Variants in GRM3 observed in about 807,000 individuals in gnomAD.
GRM3 encodes glutamate metabotropic receptor 3, also known as metabotropic glutamate receptor 3.
In GRM3, 26 loss-of-function variants were observed where a neutral mutation model predicts 70.5. That is an observed-to-expected ratio of 0.37 (90% CI 0.27 to 0.51). The LOEUF is 0.51. Ranked by LOEUF, GRM3 falls within the 20% of genes least tolerant of loss-of-function variation. The pLI is 0.93. For synonymous variants in GRM3, 443 were observed against 434.9 expected, an observed-to-expected ratio of 1.02 and a Z score of -0.23; for missense variants, 859 against 1,123.8, an observed-to-expected ratio of 0.76 and a Z score of 3.37.
At position 86,763,244 on chromosome 7, in the gene GRM3, A is replaced by C. The variant is rs573809434; in HGVS notation, c.-140-1762A>C. ...CCTTCCAACACACAATCATGTGTGA[A>C]GGTTGAAAAGCAGACAGGCATGCTC... On this transcript the variant is annotated intron_variant, in intron 1 of 5. Coordinates refer to ENST00000361669, the MANE Select transcript of GRM3 (RefSeq NM_000840.3). Among the ~76,000 whole-genome samples the C allele has an allele frequency of 3.5e-4, 53 of 152,238 alleles. 4 individuals are homozygous for C. The South Asian group carries it at 0.011, about 32-fold the overall frequency.
chr7:86,820,320 C>T (rs1310218694), intron 3 of GRM3, among the ~76,000 whole-genome samples: 1 of 152,098 alleles, frequency 6.6e-6, no homozygotes, highest in East Asian at 1.9e-4. Flanking sequence ...ACAGGGTGCA[C>T]TCTTTGACTT....
chr7:86,659,674 T>C (rs1213916301), intron 1 of GRM3, among the ~76,000 whole-genome samples: 1 of 152,102 alleles, frequency 6.6e-6, no homozygotes, highest in Admixed American at 6.6e-5. Context: ...GTTAGTAGTA[T>C]AGTCAAATAT....
chr7:86,816,363 G>A (rs1584261626), intron 3 of GRM3, among the ~76,000 whole-genome samples: 1 of 151,806 alleles, frequency 6.6e-6, no homozygotes, highest in East Asian at 1.9e-4. Flanking sequence ...CATGTCACAG[G>A]GATTTGGCAT....
At chr7:86,741,242 G>C (rs546579029) in intron 1 of GRM3, among the ~76,000 whole-genome samples, 3 of 152,256 alleles carry the variant, frequency 2.0e-5, no homozygotes, top group Non-Finnish European at 4.4e-5. Context: ...TGAAACATAG[G>C]GTTTATAGAG....
intron 2 of GRM3, among the ~76,000 whole-genome samples, chr7:86,769,796 A>T (rs1407366578): frequency 6.6e-6 from 1 of 152,152 alleles, no homozygotes; most frequent in Non-Finnish European, 1.5e-5. Context: ...TTATAAAACA[A>T]CAGTATTGAT....
chr7:86,809,693 A>T (rs10224033), intron 3 of GRM3, among the ~76,000 whole-genome samples: 17,181 of 151,990 alleles, frequency 0.11, 1,530 homozygotes, highest in African/African-American at 0.25. Context: ...GGAAGAGTAC[A>T]AAGGAAAAGT....
At chr7:86,741,457 T>C (rs1795990311) in intron 1 of GRM3, among the ~76,000 whole-genome samples, 1 of 152,204 alleles carries the variant, frequency 6.6e-6, no homozygotes, top group South Asian at 2.1e-4. Context: ...TAGAGTTAGC[T>C]TGAAGAACAG....
intron 1 of GRM3, among the ~76,000 whole-genome samples, chr7:86,676,884 T>C (rs1258910873): frequency 6.6e-6 from 1 of 151,988 alleles, no homozygotes; most frequent in Non-Finnish European, 1.5e-5. Context: ...GAGACTTCTT[T>C]TGGCCAAATT....
intron 1 of GRM3, among the ~76,000 whole-genome samples, chr7:86,666,772 A>G (rs1794037995): frequency 6.6e-6 from 1 of 152,058 alleles, no homozygotes; most frequent in Non-Finnish European, 1.5e-5. Flanking sequence ...GTTTGGACAA[A>G]TTAGGAAACT....
chr7:86,764,720 C>CA (rs1361477024), intron 1 of GRM3, among the ~76,000 whole-genome samples: 2 of 151,768 alleles, frequency 1.3e-5, no homozygotes, highest in African/African-American at 4.8e-5. Flanking sequence ...AAACAAAACA[C>CA]AAAAAAACTG....
At chr7:86,752,931 C>T (rs868763630) in intron 1 of GRM3, among the ~76,000 whole-genome samples, 41 of 152,018 alleles carry the variant, frequency 2.7e-4, no homozygotes, top group African/African-American at 8.9e-4. Context: ...CAGAATATAT[C>T]AACTGAGTGT....
At chr7:86,828,111 C>CAAAAAAAAAAAAAAAAAAAAAAAAAAA (rs55645713) in intron 3 of GRM3, among the ~76,000 whole-genome samples, 1 of 68,306 alleles carries the variant, frequency 1.5e-5, no homozygotes, top group Non-Finnish European at 2.7e-5. Flanking sequence ...AACTCCGTAT[C>CAAAAAAAAAAAAAAAAAAAAAAAAAAA]AAAAAAAAAA....
intron 1 of GRM3, among the ~76,000 whole-genome samples, chr7:86,753,217 T>C (rs1796269958): frequency 6.6e-6 from 1 of 152,148 alleles, no homozygotes; most frequent in Non-Finnish European, 1.5e-5. Context: ...TGATAAATTA[T>C]CCTCACTCCA....
chr7:86,725,492 G>A (rs1219285058), intron 1 of GRM3, among the ~76,000 whole-genome samples: 1 of 152,090 alleles, frequency 6.6e-6, no homozygotes, highest in South Asian at 2.1e-4. Context: ...AGCCTCAAAG[G>A]CCACATAGCA....
intron 1 of GRM3, among the ~76,000 whole-genome samples, chr7:86,678,319 A>C (rs554264939): frequency 6.6e-6 from 1 of 152,156 alleles, no homozygotes; most frequent in African/African-American, 2.4e-5. Flanking sequence ...TTGCAGAAGA[A>C]CTCAGGATTA....
intron 2 of GRM3, among the ~76,000 whole-genome samples, chr7:86,767,816 T>C (rs1796645498): frequency 6.6e-6 from 1 of 151,952 alleles, no homozygotes; most frequent in Admixed American, 6.6e-5. Context: ...CTTTTTACAA[T>C]CTAATTTTAC....
At chr7:86,791,006 A>G (rs1268154512) in intron 3 of GRM3, among the ~76,000 whole-genome samples, 13 of 152,184 alleles carry the variant, frequency 8.5e-5, no homozygotes, top group Non-Finnish European at 1.3e-4. Context: ...TCCTCACACT[A>G]GAATATAAGC....
intron 2 of GRM3, among the ~76,000 whole-genome samples, chr7:86,780,845 C>T (rs2116505020): frequency 6.6e-6 from 1 of 152,256 alleles, no homozygotes; most frequent in East Asian, 1.9e-4. Flanking sequence ...CTTTTGATAG[C>T]AAGGGATGAT....
At chr7:86,803,078 C>T (rs1194867662) in intron 3 of GRM3, among the ~76,000 whole-genome samples, 1 of 150,312 alleles carries the variant, frequency 6.7e-6, no homozygotes, top group Non-Finnish European at 1.5e-5. Flanking sequence ...ATAAAACCTT[C>T]AACCATGATT....
Sources: allele counts gnomAD v4.1 joint callset (sites outside exome capture counted in the v4.1 genomes callset), GRCh38; gene constraint gnomAD v4.1.1; transcripts MANE v1.5; gene names NCBI Gene and HGNC (gene_info 2026-07-23, HGNC 2026-07-21).